Variants in OR51C1 observed in about 807,000 individuals in gnomAD.
OR51C1 encodes the protein olfactory receptor family 51 subfamily C member 1.
At chr11:4,693,530 G>A in the OR51C1 span, among the ~76,000 whole-genome samples, 1 of 152,164 alleles carries the variant, frequency 6.6e-6, no homozygotes, top group Non-Finnish European at 1.5e-5. Flanking sequence ...GACCATCCTG[G>A]CTAACATGGT....
At chr11:4,695,363 C>G in the OR51C1 span, among the ~76,000 whole-genome samples, 2 of 152,158 alleles carry the variant, frequency 1.3e-5, no homozygotes, top group Non-Finnish European at 2.9e-5. Flanking sequence ...TACTCTAACT[C>G]AACAATAAAA....
chr11:4,693,611 C>T, the OR51C1 span, among the ~76,000 whole-genome samples: 2 of 152,094 alleles, frequency 1.3e-5, no homozygotes, highest in African/African-American at 4.8e-5. Flanking sequence ...GTTCCAGCTA[C>T]TGGGGAGGCT....
chr11:4,697,668 G>GT, the OR51C1 span: 1 of 152,636 alleles, frequency 6.6e-6, no homozygotes, highest in Admixed American at 6.5e-5. Flanking sequence ...CCATACAGCA[G>GT]TTCGGCCTGT....
At chr11:4,690,790 C>A in the OR51C1 span, 1 of 418,840 alleles carries the variant, frequency 2.4e-6, no homozygotes, top group Non-Finnish European at 4.7e-6. Context: ...ATTTTTATCA[C>A]AGCTCTACGT....
the OR51C1 span, chr11:4,691,026 G>C: frequency 2.2e-6 from 1 of 456,418 alleles, no homozygotes; most frequent in African/African-American, 2.0e-5. Flanking sequence ...GCTAAGGACA[G>C]TCCTAATGAT....
At chr11:4,693,571 A>G in the OR51C1 span, among the ~76,000 whole-genome samples, 1 of 152,058 alleles carries the variant, frequency 6.6e-6, no homozygotes, top group African/African-American at 2.4e-5. Context: ...AATACAAAAA[A>G]TTAGCCGGGC....
chr11:4,697,296 G>T, the OR51C1 span, among the ~76,000 whole-genome samples: 10 of 152,098 alleles, frequency 6.6e-5, no homozygotes, highest in Admixed American at 2.6e-4. Context: ...CAGGATATGC[G>T]CTGTGTCTAA....
chr11:4,693,459 C>A, the OR51C1 span, among the ~76,000 whole-genome samples: 2 of 152,136 alleles, frequency 1.3e-5, no homozygotes, highest in East Asian at 3.9e-4. Flanking sequence ...CGGTGGCTCA[C>A]GCCTGTAGTC....
chr11:4,695,791 G>C, the OR51C1 span, among the ~76,000 whole-genome samples: 14 of 149,860 alleles, frequency 9.3e-5, no homozygotes, highest in Non-Finnish European at 1.5e-4. Flanking sequence ...TTTTTTTCCT[G>C]TTTGTTAAAC....
the OR51C1 span, chr11:4,692,040 A>G: frequency 2.8e-6 from 1 of 354,182 alleles, no homozygotes; most frequent in South Asian, 2.3e-5. Flanking sequence ...GAGTTTGCCA[A>G]TCATATTTCA....
At chr11:4,690,991 C>A in the OR51C1 span, 1 of 454,744 alleles carries the variant, frequency 2.2e-6, no homozygotes, top group Non-Finnish European at 4.4e-6. Context: ...CTGAAGGTTT[C>A]CTTCCTCTCT....
At chr11:4,695,845 A>G in the OR51C1 span, among the ~76,000 whole-genome samples, 1 of 151,840 alleles carries the variant, frequency 6.6e-6, no homozygotes, top group Middle Eastern at 3.2e-3. Context: ...ATTCTAGAGG[A>G]GTCTGCTTTT....
At chr11:4,697,334 G>A in the OR51C1 span, among the ~76,000 whole-genome samples, 9 of 152,192 alleles carry the variant, frequency 5.9e-5, no homozygotes, top group African/African-American at 1.7e-4. Context: ...CAATGCGTTC[G>A]AAATTGGTAA....
chr11:4,696,406 C>T, the OR51C1 span, among the ~76,000 whole-genome samples: 2 of 152,082 alleles, frequency 1.3e-5, no homozygotes, highest in African/African-American at 4.8e-5. Flanking sequence ...TCTCTCTCAT[C>T]CCTTACATAT....
chr11:4,692,940 G>A, the OR51C1 span, among the ~76,000 whole-genome samples: 1 of 152,142 alleles, frequency 6.6e-6, no homozygotes, highest in African/African-American at 2.4e-5. Flanking sequence ...ACACGATTTG[G>A]CCAAATAATG....
the OR51C1 span, among the ~76,000 whole-genome samples, chr11:4,697,104 A>G: frequency 2.0e-5 from 3 of 152,228 alleles, no homozygotes; most frequent in Admixed American, 2.0e-4. Context: ...TTTTTCTGGT[A>G]AAGACACTGA....
At chr11:4,696,857 T>C in the OR51C1 span, among the ~76,000 whole-genome samples, 1 of 152,218 alleles carries the variant, frequency 6.6e-6, no homozygotes, top group Non-Finnish European at 1.5e-5. Context: ...GTATTCTCCA[T>C]GCTATTGTCA....
chr11:4,697,570 G>T, the OR51C1 span: 2 of 152,636 alleles, frequency 1.3e-5, no homozygotes, highest in Admixed American at 1.3e-4. Flanking sequence ...TCTGCACATT[G>T]TGAGGAAATT....
chr11:4,695,542 G>C, the OR51C1 span, among the ~76,000 whole-genome samples: 1 of 152,100 alleles, frequency 6.6e-6, no homozygotes, highest in African/African-American at 2.4e-5. Flanking sequence ...AATTCCTTTG[G>C]AGAACAGTCT....
Sources: gnomAD v4.1 joint callset for allele counts (sites outside exome capture counted in the v4.1 genomes callset) on GRCh38, gnomAD v4.1.1 for gene constraint, MANE v1.5 for transcripts, NCBI Gene and HGNC (gene_info 2026-07-23, HGNC 2026-07-21) for gene names.